The following PDSS2 variants were observed in gnomAD, a reference collection of about 807,000 sequenced individuals.
PDSS2 encodes all trans-polyprenyl-diphosphate synthase PDSS2.
In PDSS2, 31 loss-of-function variants were observed where a neutral mutation model predicts 44.5. That is an observed-to-expected ratio of 0.70 (90% CI 0.52 to 0.94). The LOEUF (loss-of-function observed/expected upper bound fraction) is 0.94, where lower values mean the gene tolerates loss of function less well. Ranked by LOEUF, PDSS2 falls within the 40% of genes least tolerant of loss-of-function variation. PDSS2 has a pLI of 0.00. For synonymous variants in PDSS2, 157 were observed against 180.3 expected (o/e 0.87, Z 1.03); for missense variants, 452 against 482.2 (o/e 0.94, Z 0.59).
At chr6:107,306,487 T>C (rs1776863926) in intron 2 of PDSS2, among the ~76,000 whole-genome samples, 1 of 152,210 alleles carries the variant, frequency 6.6e-6, no homozygotes, top group South Asian at 2.1e-4. Context: ...CTTTGTAAAT[T>C]GCCCAGACTT....
intron 1 of PDSS2, among the ~76,000 whole-genome samples, chr6:107,370,818 C>T (rs1419910699): frequency 6.6e-6 from 1 of 152,128 alleles, no homozygotes; most frequent in East Asian, 1.9e-4. Context: ...TCTGAGCATC[C>T]AGTCTCCAGT....
chr6:107,446,375 A>C (rs1427562388), intron 1 of PDSS2, among the ~76,000 whole-genome samples: 3 of 152,178 alleles, frequency 2.0e-5, no homozygotes, highest in Admixed American at 2.0e-4. Context: ...AACACTACAG[A>C]GTCCCAGGTA....
At chr6:107,419,988 G>C (rs1780775863) in intron 1 of PDSS2, among the ~76,000 whole-genome samples, 1 of 152,162 alleles carries the variant, frequency 6.6e-6, no homozygotes, top group Non-Finnish European at 1.5e-5. Flanking sequence ...CAGACTGGTT[G>C]CTGTAGAAAC....
At chr6:107,313,875 G>A (rs1582928940) in intron 2 of PDSS2, among the ~76,000 whole-genome samples, 2 of 152,084 alleles carry the variant, frequency 1.3e-5, no homozygotes, top group East Asian at 3.9e-4. Flanking sequence ...ATGAGGTCAG[G>A]TGTGGTGGCT....
At chr6:107,359,339 C>T (rs1282611461) in intron 1 of PDSS2, among the ~76,000 whole-genome samples, 1 of 151,830 alleles carries the variant, frequency 6.6e-6, no homozygotes. Context: ...TACTTCAGAT[C>T]TAGCCAGGAG....
In PDSS2 at chr6:107,456,014, C is replaced by T. The variant is rs986983612; in HGVS notation, c.296+2976G>A. Among the ~76,000 whole-genome samples the T allele has an allele frequency of 2.6e-5, 4 of 152,020 alleles. No homozygotes were observed. The East Asian group carries it at 7.7e-4, about 29-fold the overall frequency. ...CATAATATTAACAAATGCAACAACC[C>T]AAATGTTAATTACAAGATGACTGTG... On this transcript the variant is annotated intron_variant, in intron 1 of 7. Coordinates refer to ENST00000369037, the MANE Select transcript of PDSS2 (RefSeq NM_020381.4).
chr6:107,358,283 A>G (rs1045784691), intron 1 of PDSS2, among the ~76,000 whole-genome samples: 2 of 152,230 alleles, frequency 1.3e-5, no homozygotes, highest in African/African-American at 4.8e-5. Context: ...CAAAACTCAA[A>G]AAAATCCAAA....
intron 1 of PDSS2, among the ~76,000 whole-genome samples, chr6:107,406,327 C>T (rs1478329753): frequency 6.6e-6 from 1 of 152,118 alleles, no homozygotes; most frequent in Non-Finnish European, 1.5e-5. Flanking sequence ...CAACTTCTTA[C>T]TGTTTTAGAT....
chr6:107,274,332 C>CTT, intron 2 of PDSS2, 105 bp from the exon 3 acceptor site: 37 of 712,020 alleles, frequency 5.2e-5, no homozygotes, highest in Non-Finnish European at 7.3e-5. Context: ...TTGCCCCCCA[C>CTT]TTTTTTTTTT....
chr6:107,255,589 A>C (rs555811675), intron 3 of PDSS2, among the ~76,000 whole-genome samples: 2 of 151,206 alleles, frequency 1.3e-5, no homozygotes, highest in Admixed American at 1.3e-4. Flanking sequence ...ACAAGAGTGA[A>C]ACTCCATCTC....
At chr6:107,352,609 G>T (rs1164461247) in intron 1 of PDSS2, among the ~76,000 whole-genome samples, 1 of 152,170 alleles carries the variant, frequency 6.6e-6, no homozygotes, top group Admixed American at 6.5e-5. Context: ...GGTGGTAGGG[G>T]AGACAGCATG....
intron 1 of PDSS2, among the ~76,000 whole-genome samples, chr6:107,378,886 C>T (rs1256695239): frequency 6.6e-6 from 1 of 152,210 alleles, no homozygotes; most frequent in Non-Finnish European, 1.5e-5. Context: ...GAACACAGCA[C>T]TAATGTGCCA....
chr6:107,317,572 A>G (rs1027088485), intron 2 of PDSS2, among the ~76,000 whole-genome samples: 1 of 152,194 alleles, frequency 6.6e-6, no homozygotes, highest in Non-Finnish European at 1.5e-5. Context: ...TATAGATTAC[A>G]ACCGTGCCTG....
intron 1 of PDSS2, among the ~76,000 whole-genome samples, chr6:107,378,681 G>C (rs915842086): frequency 6.6e-6 from 1 of 152,176 alleles, no homozygotes; most frequent in Non-Finnish European, 1.5e-5. Flanking sequence ...AGCTACTGAA[G>C]GGGCTGAGGC....
At chr6:107,297,719 T>G (rs908384240) in intron 2 of PDSS2, among the ~76,000 whole-genome samples, 1 of 151,574 alleles carries the variant, frequency 6.6e-6, no homozygotes, top group African/African-American at 2.4e-5. Flanking sequence ...GAAGGTGAGA[T>G]GAAGATTATA....
At chr6:107,173,847 T>C (rs1771695543) in intron 7 of PDSS2, among the ~76,000 whole-genome samples, 2 of 152,102 alleles carry the variant, frequency 1.3e-5, no homozygotes, top group Non-Finnish European at 1.5e-5. Context: ...GATAATTATA[T>C]AGTTGTATAT....
chr6:107,227,351 C>T (rs565974257), intron 4 of PDSS2, among the ~76,000 whole-genome samples: 14 of 143,524 alleles, frequency 9.8e-5, no homozygotes, highest in South Asian at 2.2e-4. Flanking sequence ...TGCAGTGGCA[C>T]GATCTTGGCT....
Position 107,274,080 on chromosome 6 carries a change from G to A in PDSS2, c.579C>T (p.Asp193=). 2 of 1,614,062 alleles carry A rather than the reference G, an allele frequency of 1.2e-6. No individual in the cohort carries two copies. The highest frequency in any genetic ancestry group is 2.2e-5 in the South Asian group (2 of 91,084). ...CATTGCAGGCATTTGCTAGAAGAAA[G>A]TCTCCACTCAGGATAGCAATTTTAT... The part of the protein sequence containing the change: ...FGNKIAILSG[D]FLLANACNGL... Residue 193 remains aspartate, a synonymous_variant, in exon 3 of 8, where the codon GAC becomes GAT. Coordinates refer to ENST00000369037, the MANE Select transcript of PDSS2 (RefSeq NM_020381.4).
chr6:107,397,326 T>C (rs1194207258), intron 1 of PDSS2, among the ~76,000 whole-genome samples: 1 of 152,158 alleles, frequency 6.6e-6, no homozygotes, highest in Non-Finnish European at 1.5e-5. Flanking sequence ...AGACTTAACA[T>C]GAATCAAGGC....
Sources: allele counts gnomAD v4.1 joint callset (sites outside exome capture counted in the v4.1 genomes callset), GRCh38; gene constraint gnomAD v4.1.1; transcripts MANE v1.5; gene names NCBI Gene and HGNC (gene_info 2026-07-23, HGNC 2026-07-21).